Variants in HSF1 observed in about 807,000 individuals in gnomAD.
The protein encoded by HSF1 is heat shock factor protein 1.
HSF1 carries 32 observed loss-of-function variants against 51.7 expected under a neutral mutation model. The observed-to-expected ratio is 0.62, with a 90% CI of 0.47 to 0.83. The LOEUF (loss-of-function observed/expected upper bound fraction) is 0.83, where lower values mean the gene tolerates loss of function less well. Ranked by LOEUF, HSF1 falls within the 40% of genes least tolerant of loss-of-function variation. The pLI, the probability that HSF1 is intolerant of heterozygous loss-of-function variation, is 0.00. For missense variants in HSF1, 727 were observed against 717.0 expected (o/e 1.01, Z -0.16); for synonymous variants, 396 against 309.7 (o/e 1.28, Z -2.92).
chr8:144,302,190 A>G (rs1396589007), intron 1 of HSF1, among the ~76,000 whole-genome samples: 1 of 151,342 alleles, frequency 6.6e-6, no homozygotes, highest in Non-Finnish European at 1.5e-5. Flanking sequence ...TTTTTTTGCA[A>G]CTCAGGAAGA....
At chr8:144,300,210 CTCTTTTTT>C (rs1588634157) in intron 1 of HSF1, among the ~76,000 whole-genome samples, 1 of 117,604 alleles carries the variant, frequency 8.5e-6, no homozygotes, top group Admixed American at 9.9e-5. Context: ...CTGTTGTGTA[CTCTTTTTT>C]TTTTTTTTTT....
At chr8:144,307,426 G>C (rs781846288) in intron 1 of HSF1, among the ~76,000 whole-genome samples, 2 of 152,202 alleles carry the variant, frequency 1.3e-5, no homozygotes. Context: ...CAGATGGAGT[G>C]GGAATAGGGC....
At chr8:144,300,072 G>A (rs1405027538) in intron 1 of HSF1, among the ~76,000 whole-genome samples, 1 of 152,136 alleles carries the variant, frequency 6.6e-6, no homozygotes, top group Non-Finnish European at 1.5e-5. Flanking sequence ...AGAAGCCTGG[G>A]CTTTACCTAG....
At position 144,312,384 on chromosome 8, in the gene HSF1, G is replaced by A. The variant is rs1489913750; in HGVS notation, c.1142+140G>A. On this transcript the variant is annotated intron_variant, in intron 9 of 12. Transcript: ENST00000528838. ...CCCAACCTCGGAGCTCGGGGCTGGG[G>A]AGGGAGACAGGTGCCAGCCAGATCA... is the stretch of plus-strand genomic sequence containing the variant. 3 of 730,026 alleles carry A rather than the reference G, an allele frequency of 4.1e-6. No homozygotes were observed. In the Admixed American group the frequency reaches 7.8e-5, roughly 19 times the overall value. The allele number at this position is 730,026 out of a possible 1,614,324, so 45.2% of individuals were successfully genotyped here.
intron 1 of HSF1, among the ~76,000 whole-genome samples, chr8:144,298,510 C>T (rs189541408): frequency 1.6e-3 from 236 of 150,314 alleles, no homozygotes; most frequent in Admixed American, 7.4e-3. Flanking sequence ...GAGGCTGAGG[C>T]AGGAGAATCA....
intron 10 of HSF1, 22 bp from the exon 11 acceptor site, chr8:144,313,824 G>C: frequency 6.7e-7 from 1 of 1,496,754 alleles, no homozygotes; most frequent in African/African-American, 1.9e-5. Flanking sequence ...GTGCTGTTCT[G>C]ACTTCCCTCC....
intron 9 of HSF1, chr8:144,312,793 C>T (rs1816774700): frequency 7.6e-7 from 1 of 1,308,184 alleles, no homozygotes; most frequent in African/African-American, 1.5e-5. Flanking sequence ...CAGACCCAGC[C>T]TGGCCGGGCA....
intron 1 of HSF1, among the ~76,000 whole-genome samples, chr8:144,300,257 G>A (rs1158384937): frequency 2.7e-5 from 3 of 113,104 alleles, no homozygotes; most frequent in African/African-American, 1.1e-4. Context: ...TCGCTCTGTT[G>A]CCAGGCTGGA....
chr8:144,310,851 G>T (rs1816588905), intron 4 of HSF1: 1 of 425,378 alleles, frequency 2.4e-6, no homozygotes, highest in African/African-American at 2.0e-5. Flanking sequence ...CCAAGGGTCT[G>T]CTCCTGGCCT....
At position 144,313,597 on chromosome 8, in the gene HSF1, A is replaced by C; in HGVS notation, c.1229A>C (p.Asp410Ala). 2 of 1,604,452 alleles carry C rather than the reference A, an allele frequency of 1.2e-6. No individual in the cohort carries two copies. Among genetic ancestry groups the C allele is most frequent in the Non-Finnish European group, 1.7e-6 (2 of 1,174,896 alleles). Residue 410 changes from aspartate to alanine, a missense_variant, in exon 10 of 13, where the codon GAC (aspartate) becomes GCC (alanine). Asp to Ala is a moderately radical substitution (Grantham distance 126, BLOSUM62 -2). Around this residue, in one of 2 missense-constraint regions of HSF1, gnomAD observed 470 missense variants for 398.8 expected, o/e 1.18. Coordinates refer to ENST00000528838, the MANE Select transcript of HSF1 (RefSeq NM_005526.4). ...CTGAGCAGCCACGGCTTCAGCGTGG[A>C]CACCAGTGCCCTGCTGGACGTGAGT... is the stretch of plus-strand genomic sequence containing the variant. ...TMLSSHGFSVDTSALLDLFSP... is the reference protein window; with the variant it reads ...TMLSSHGFSVATSALLDLFSP...
At chr8:144,302,147 C>A (rs1815930706) in intron 1 of HSF1, among the ~76,000 whole-genome samples, 1 of 148,342 alleles carries the variant, frequency 6.7e-6, no homozygotes, top group Admixed American at 6.7e-5. Flanking sequence ...GCCTGGGCGA[C>A]ACAGCGAGAC....
chr8:144,313,644 CCCGCCCCGCCTCCCCG>C (rs1424538921), intron 10 of HSF1, 28 bp downstream of exon 10: 1 of 379,156 alleles, frequency 2.6e-6, no homozygotes, highest in African/African-American at 4.8e-5. Context: ...GCCCCGCCTC[CCCGCCCCGCCTCCCCG>C]CCGCGCCGCC....
Position 144,308,957 on chromosome 8 carries a change from C to T in HSF1, c.169C>T (p.Leu57=), listed in dbSNP as rs1816415577. 1 of 1,614,058 alleles carries T rather than the reference C, an allele frequency of 6.2e-7. No individual in the cohort carries two copies. Among genetic ancestry groups the T allele is most frequent in the Non-Finnish European group, 8.5e-7 (1 of 1,179,988 alleles). The part of the protein sequence containing the change: ...FDQGQFAKEV[L]PKYFKHNNMA... ...CCAGGGCCAGTTTGCCAAGGAGGTGCTGCCCAAGTACTTCAAGCACAACAA... is the reference window on the plus strand; with the variant it reads ...CCAGGGCCAGTTTGCCAAGGAGGTGTTGCCCAAGTACTTCAAGCACAACAA... Residue 57 remains leucine, a synonymous_variant, in exon 2 of 13, where the codon CTG becomes TTG. Transcript: ENST00000528838.
intron 1 of HSF1, among the ~76,000 whole-genome samples, chr8:144,305,475 G>A (rs1002457737): frequency 2.6e-5 from 4 of 151,454 alleles, no homozygotes; most frequent in Non-Finnish European, 4.4e-5. Flanking sequence ...AATTTTTTTT[G>A]TATTTTTAGT....
intron 1 of HSF1, among the ~76,000 whole-genome samples, chr8:144,308,199 G>T (rs1209252926): frequency 6.6e-6 from 1 of 152,106 alleles, no homozygotes; most frequent in Non-Finnish European, 1.5e-5. Context: ...CCTGCTTCAG[G>T]CCCCCCTTCC....
chr8:144,311,164 T>A lies in HSF1; in HGVS notation c.489-10T>A. On this transcript the variant is annotated splice_polypyrimidine_tract_variant and intron_variant, in intron 4 of 12. Transcript: ENST00000528838. ...ATTGGGCCCCACTGACCCAGCCTGGTCTGTTGCAGTGAGAATGAGGCTCTG... is the reference window on the plus strand; with the variant it reads ...ATTGGGCCCCACTGACCCAGCCTGGACTGTTGCAGTGAGAATGAGGCTCTG... The A allele has an allele frequency of 6.3e-7, 1 of 1,592,976 alleles. No individual in the cohort carries two copies.
chr8:144,309,451 G>A lies in HSF1; in HGVS notation c.227-4G>A. On this transcript the variant is annotated splice_region_variant and splice_polypyrimidine_tract_variant and intron_variant, in intron 2 of 12. Transcript: ENST00000528838. ...AGAGCTGCCCCCTTCCCTGTTATGT[G>A]CAGATGGCTTCCGGAAAGTGGTCCA... 6.2e-7 allele frequency: 1 copy of A among 1,613,908 alleles called. No individual in the cohort carries two copies. Among genetic ancestry groups the A allele is most frequent in the Non-Finnish European group, 8.5e-7 (1 of 1,179,980 alleles).
chr8:144,314,245 A>G lies in HSF1; in HGVS notation c.1505A>G (p.Glu502Gly). 6.4e-7 allele frequency: 1 copy of G among 1,550,508 alleles called. No homozygotes were observed. Among genetic ancestry groups the G allele is most frequent in the East Asian group, 2.4e-5 (1 of 40,954 alleles). ...FELGEGSYFSEGDGFAEDPTI... is the reference protein window; with the variant it reads ...FELGEGSYFSGGDGFAEDPTI... ...CTGGGAGAGGGCTCCTACTTCTCCG[A>G]AGGGGACGGCTTCGCCGAGGACCCC... The change falls in exon 13 of 13, where the codon GAA (glutamate) becomes GGA (glycine). Residue 502 changes from glutamate (E) to glycine (G), a missense_variant. This residue lies in a region of HSF1 where 470 missense variants were observed against 398.8 expected (regional missense o/e 1.18). Transcript: ENST00000528838.
At chr8:144,300,742 A>G (rs1554842133) in intron 1 of HSF1, among the ~76,000 whole-genome samples, 1 of 152,208 alleles carries the variant, frequency 6.6e-6, no homozygotes, top group African/African-American at 2.4e-5. Context: ...AACTGGATGG[A>G]TTTTGGATGA....
Sources: allele counts gnomAD v4.1 joint callset (sites outside exome capture counted in the v4.1 genomes callset), GRCh38; gene constraint gnomAD v4.1.1; regional missense constraint gnomAD v4.1.1; transcripts MANE v1.5; gene names NCBI Gene and HGNC (gene_info 2026-07-23, HGNC 2026-07-21).